ATPSCKMT: variants seen among roughly 807,000 people sequenced by gnomAD.
ATPSCKMT encodes the protein ATP synthase c subunit lysine N-methyltransferase.
Under a neutral mutation model 24.3 loss-of-function variants are expected in ATPSCKMT, and 24 were observed. The ratio of observed to expected loss-of-function variants is 0.99; its 90% CI spans 0.71 to 1.39. The LOEUF is 1.39. Ranked by LOEUF, ATPSCKMT falls within the 40% of genes most tolerant of loss-of-function variation. The pLI is 0.00. For synonymous variants in ATPSCKMT, 95 were observed against 110.5 expected (o/e 0.86, Z 0.88); for missense variants, 311 against 298.4 (o/e 1.04, Z -0.31).
chr5:10,246,351 CCT>C (rs1744927474), intron 1 of ATPSCKMT, among the ~76,000 whole-genome samples: 1 of 151,934 alleles, frequency 6.6e-6, no homozygotes, highest in Non-Finnish European at 1.5e-5. Flanking sequence ...AAGAGAATCA[CCT>C]GAACCGGGGA....
chr5:10,235,308 A>G lies in ATPSCKMT; in HGVS notation c.445-47T>C, dbSNP rs747186221. The G allele has an allele frequency of 1.1e-5, 17 of 1,528,132 alleles. No individual in the cohort carries two copies. In the East Asian group the frequency reaches 2.3e-4, roughly 21 times the overall value. The allele number at this position is 1,528,132 out of a possible 1,614,324, so 94.7% of individuals were successfully genotyped here. A position where few individuals can be genotyped will look rare whatever the true frequency, so the allele number is the denominator to read the frequency against. On this transcript the variant is annotated intron_variant, in intron 3 of 4. Coordinates refer to ENST00000511437, the MANE Select transcript of ATPSCKMT (RefSeq NM_199133.4). The stretch of plus-strand genomic sequence containing the variant: ...TCAGTAGATTAAGTGCAAAAAGCCA[A>G]ACGTGAAGCTTAACTTGTTTTACAG...
chr5:10,240,823 C>A (rs896772111), intron 1 of ATPSCKMT, among the ~76,000 whole-genome samples: 2 of 151,848 alleles, frequency 1.3e-5, no homozygotes, highest in African/African-American at 4.8e-5. Flanking sequence ...TGGAGAAACC[C>A]CATCTCTACT....
chr5:10,242,454 T>C (rs556974977), intron 1 of ATPSCKMT, among the ~76,000 whole-genome samples: 1 of 152,190 alleles, frequency 6.6e-6, no homozygotes, highest in South Asian at 2.1e-4. Context: ...AGCAACTCAG[T>C]CTCATCTTCA....
Position 10,249,678 on chromosome 5 carries a change from G to C in ATPSCKMT, c.16+180C>G, listed in dbSNP as rs2548551. On this transcript the variant is annotated intron_variant, in intron 1 of 4. Coordinates refer to ENST00000511437, the MANE Select transcript of ATPSCKMT (RefSeq NM_199133.4). ...CCCGCCGACAAGGATCGCCAGAACC[G>C]GCGCGGGCACCGCGCGGCGACCAGG... The C allele has an allele frequency of 4.8e-5, 48 of 990,876 alleles. 1 individual carries two copies. Among genetic ancestry groups the C allele is most frequent in the Non-Finnish European group, 6.7e-5 (47 of 701,842 alleles). The allele number at this position is 990,876 out of a possible 1,614,324, so 61.4% of individuals were successfully genotyped here.
Position 10,227,170 on chromosome 5 carries a change from T to C in ATPSCKMT, c.*271A>G, listed in dbSNP as rs577787622. 51 of 442,974 alleles carry C rather than the reference T, an allele frequency of 1.2e-4. No homozygotes were observed. Among genetic ancestry groups the C allele is most frequent in the Non-Finnish European group, 2.0e-4 (48 of 242,026 alleles). 27.4% of individuals were successfully genotyped at this position (442,974 alleles called of 1,614,324 possible). A position where few individuals can be genotyped will look rare whatever the true frequency, so the allele number is the denominator to read the frequency against. The stretch of plus-strand genomic sequence containing the variant: ...AAGAGCTATTGGCATCTTATTTTCC[T>C]ACCCATAACCATGACCATCACTTAT... On this transcript the variant is annotated 3_prime_UTR_variant, in exon 5 of 5. Coordinates refer to ENST00000511437, the MANE Select transcript of ATPSCKMT (RefSeq NM_199133.4).
intron 1 of ATPSCKMT, among the ~76,000 whole-genome samples, chr5:10,242,384 C>T (rs12188753): frequency 0.26 from 39,931 of 152,070 alleles, 6,669 homozygotes; most frequent in East Asian, 0.72. Flanking sequence ...AAGAAACAAC[C>T]TCCCTTGCTC....
intron 4 of ATPSCKMT, among the ~76,000 whole-genome samples, chr5:10,229,935 T>C (rs562206011): frequency 1.2e-4 from 19 of 152,376 alleles, no homozygotes; most frequent in African/African-American, 4.6e-4. Flanking sequence ...CTTAACAAAA[T>C]GTTCCTGGCT....
chr5:10,225,532 G>T lies in ATPSCKMT; in HGVS notation c.*1909C>A, dbSNP rs940024616. Among the ~76,000 whole-genome samples, 2 of 152,158 alleles carry T rather than the reference G, an allele frequency of 1.3e-5. No homozygotes were observed. Among genetic ancestry groups the T allele is most frequent in the African/African-American group, 4.8e-5 (2 of 41,426 alleles). On this transcript the variant is annotated 3_prime_UTR_variant, in exon 5 of 5. Coordinates refer to ENST00000511437, the MANE Select transcript of ATPSCKMT (RefSeq NM_199133.4). Reference sequence around the variant, plus strand: ...TTTACAAAAGAAAGAGCTTTAATTGGACTTACAGTTCCATGTGGCTGGAAT... The same window carrying T: ...TTTACAAAAGAAAGAGCTTTAATTGTACTTACAGTTCCATGTGGCTGGAAT...
intron 1 of ATPSCKMT, chr5:10,248,326 C>T (rs576110107): frequency 6.6e-6 from 1 of 152,322 alleles, no homozygotes; most frequent in African/African-American, 2.4e-5. Context: ...GAATCAACTA[C>T]ACAGAGGATG....
At chr5:10,241,384 C>G (rs1261092075) in intron 1 of ATPSCKMT, among the ~76,000 whole-genome samples, 2 of 152,198 alleles carry the variant, frequency 1.3e-5, no homozygotes, top group Non-Finnish European at 2.9e-5. Context: ...TGAACTACGG[C>G]AATCTATTCT....
chr5:10,236,872 G>C (rs1016739506), intron 2 of ATPSCKMT: 1 of 1,441,938 alleles, frequency 6.9e-7, no homozygotes. Context: ...GGTTCACTTG[G>C]AACACCTCCA....
chr5:10,233,402 G>C (rs1305359264), intron 4 of ATPSCKMT, among the ~76,000 whole-genome samples: 1 of 152,124 alleles, frequency 6.6e-6, no homozygotes, highest in Non-Finnish European at 1.5e-5. Context: ...ACAGCAAGCT[G>C]GCCAAATCTC....
intron 1 of ATPSCKMT, among the ~76,000 whole-genome samples, chr5:10,246,766 C>G (rs1042898633): frequency 2.6e-5 from 4 of 152,196 alleles, no homozygotes; most frequent in African/African-American, 9.6e-5. Context: ...ATAAAAAGTT[C>G]CTGTTCTTCA....
chr5:10,228,168 C>G (rs1743967565), intron 4 of ATPSCKMT, among the ~76,000 whole-genome samples: 1 of 152,058 alleles, frequency 6.6e-6, no homozygotes, highest in South Asian at 2.1e-4. Context: ...TTTTTAACAT[C>G]TCTGAAATCA....
At chr5:10,237,381 T>G (rs1744422475) in intron 2 of ATPSCKMT, among the ~76,000 whole-genome samples, 1 of 152,248 alleles carries the variant, frequency 6.6e-6, no homozygotes, top group South Asian at 2.1e-4. Flanking sequence ...ACTTTCTCCT[T>G]GATTTATTGA....
In ATPSCKMT at chr5:10,225,970, C is replaced by T. The variant is rs115759246; in HGVS notation, c.*1471G>A. ...AAGAGCTGCCCTCCCACTAAAGTCACACACCACAGAAAGAACTCATTCTTC... is the reference window on the plus strand; with the variant it reads ...AAGAGCTGCCCTCCCACTAAAGTCATACACCACAGAAAGAACTCATTCTTC... On this transcript the variant is annotated 3_prime_UTR_variant, in exon 5 of 5. Coordinates refer to ENST00000511437, the MANE Select transcript of ATPSCKMT (RefSeq NM_199133.4). 1.5e-3 allele frequency among the ~76,000 whole-genome samples: 230 copies of T among 152,280 alleles called. No individual in the cohort carries two copies. Among genetic ancestry groups the T allele is most frequent in the African/African-American group, 5.2e-3 (215 of 41,540 alleles).
chr5:10,246,337 G>A (rs1056952012), intron 1 of ATPSCKMT, among the ~76,000 whole-genome samples: 2 of 152,052 alleles, frequency 1.3e-5, no homozygotes, highest in African/African-American at 4.8e-5. Context: ...GGGAGGCTGG[G>A]GGCAAGAGAA....
chr5:10,232,927 A>C (rs937020801), intron 4 of ATPSCKMT, among the ~76,000 whole-genome samples: 1 of 152,258 alleles, frequency 6.6e-6, no homozygotes, highest in African/African-American at 2.4e-5. Context: ...CTCATGTTAA[A>C]CATGGATGTT....
At chr5:10,235,168 C>T in intron 4 of ATPSCKMT, 43 bp downstream of exon 4, 1 of 1,602,984 alleles carries the variant, frequency 6.2e-7, no homozygotes, top group Non-Finnish European at 8.5e-7. Flanking sequence ...GGGCCTTCAA[C>T]ATCATCTAAC....
Sources: allele counts gnomAD v4.1 joint callset (sites outside exome capture counted in the v4.1 genomes callset), GRCh38; gene constraint gnomAD v4.1.1; transcripts MANE v1.5; gene names NCBI Gene and HGNC (gene_info 2026-07-23, HGNC 2026-07-21).